Variants in APPL1 observed in about 807,000 individuals in gnomAD.
APPL1 encodes the protein DCC-interacting protein 13-alpha.
Under a neutral mutation model 106.8 loss-of-function variants are expected in APPL1, and 42 were observed. That is an observed-to-expected ratio of 0.39 (90% CI 0.31 to 0.51). The LOEUF (loss-of-function observed/expected upper bound fraction) is 0.51. Ranked by LOEUF, APPL1 falls within the 20% of genes least tolerant of loss-of-function variation. APPL1 has a pLI of 0.75. For missense variants in APPL1, 769 were observed against 858.2 expected (o/e 0.90, Z 1.30); for synonymous variants, 263 against 281.8 (o/e 0.93, Z 0.67).
At chr3:57,262,810 A>AGG (rs1451163782) in intron 19 of APPL1, among the ~76,000 whole-genome samples, 1 of 119,772 alleles carries the variant, frequency 8.3e-6, no homozygotes, top group South Asian at 2.8e-4. Flanking sequence ...TGTGGGTACA[A>AGG]GGGGTGTGTG....
chr3:57,262,385 C>CTTTTT (rs373526618), intron 19 of APPL1, among the ~76,000 whole-genome samples: 7,658 of 28,960 alleles, frequency 0.26, 3,158 homozygotes, highest in African/African-American at 0.32. Context: ...GGAAAATAAC[C>CTTTTT]TTTTTTTTTT....
At chr3:57,237,996 C>T in intron 3 of APPL1, 49 bp from the exon 4 acceptor site, 1 of 1,392,146 alleles carries the variant, frequency 7.2e-7, no homozygotes, top group South Asian at 1.3e-5. Context: ...ATGTCATTCC[C>T]AAAAGACACA....
Position 57,259,086 on chromosome 3 carries a change from A to G in APPL1, c.1483+6A>G, listed in dbSNP as rs374562377. On this transcript the variant is annotated splice_donor_region_variant and intron_variant, in intron 16 of 21. Coordinates refer to ENST00000288266, the MANE Select transcript of APPL1 (RefSeq NM_012096.3). ...TACAAAATCTGAAACTGAAGGTAAG[A>G]CAGATGTGCAGCATTCATATATTTT... 5 of 1,608,966 alleles carry G rather than the reference A, an allele frequency of 3.1e-6. No homozygotes were observed. In the East Asian group the frequency reaches 1.1e-4, roughly 36 times the overall value.
At chr3:57,240,128 G>A (rs1195962698) in intron 4 of APPL1, among the ~76,000 whole-genome samples, 1 of 130,388 alleles carries the variant, frequency 7.7e-6, no homozygotes, top group Non-Finnish European at 1.7e-5. Flanking sequence ...CCCATTCTGA[G>A]TTGTTTTTTT....
At chr3:57,260,177 T>C (rs2060857865) in intron 18 of APPL1, 24 bp downstream of exon 18, 1 of 1,596,318 alleles carries the variant, frequency 6.3e-7, no homozygotes, top group Non-Finnish European at 8.5e-7. Flanking sequence ...GATTTAAGCT[T>C]TGTTTTAGGT....
At position 57,271,686 on chromosome 3, in the gene APPL1, GC is replaced by G. The variant is rs1351618629; in HGVS notation, c.*2000del. ...TGGTAGCAAGTGCTGCCCTTTATCAGCACCCTGGGTCATAGTGTAGGCTAGA... is the reference window on the plus strand; with the variant it reads ...TGGTAGCAAGTGCTGCCCTTTATCAGACCCTGGGTCATAGTGTAGGCTAGA... On this transcript the variant is annotated 3_prime_UTR_variant, in exon 22 of 22. Transcript: ENST00000288266. 1 of 152,230 alleles carries G rather than the reference GC, an allele frequency of 6.6e-6. No homozygotes were observed. Among genetic ancestry groups the G allele is most frequent in the African/African-American group, 2.4e-5 (1 of 41,454 alleles). 9.4% of individuals were successfully genotyped at this position (152,230 alleles called of 1,614,324 possible). A position where few individuals can be genotyped will look rare whatever the true frequency, so the allele number is the denominator to read the frequency against.
intron 1 of APPL1, among the ~76,000 whole-genome samples, chr3:57,234,683 G>A (rs1301573702): frequency 1.3e-5 from 2 of 150,490 alleles, no homozygotes; most frequent in Non-Finnish European, 3.0e-5. Context: ...ACAGAGTCTT[G>A]CTTTGTCGCC....
rs560396819 is a variant in APPL1 at position 57,241,019 on chromosome 3, G to T, written c.373+467G>T. On this transcript the variant is annotated intron_variant, in intron 5 of 21. Transcript: ENST00000288266. ...CAGTAGCAAGAAACTCAGTGTGGCTGCAATGCTGTATGTGTTAGAGTGAGG... is the reference window on the plus strand; with the variant it reads ...CAGTAGCAAGAAACTCAGTGTGGCTTCAATGCTGTATGTGTTAGAGTGAGG... 3.9e-5 allele frequency among the ~76,000 whole-genome samples: 6 copies of T among 152,306 alleles called. No individual in the cohort carries two copies. In the South Asian group the frequency reaches 1.2e-3, roughly 32 times the overall value.
intron 2 of APPL1, among the ~76,000 whole-genome samples, chr3:57,236,069 A>C (rs1579381125): frequency 7.9e-6 from 1 of 126,492 alleles, no homozygotes; most frequent in Non-Finnish European, 1.7e-5. Context: ...TTTGAGATGG[A>C]GCTTTGCCCT....
chr3:57,235,703 G>T (rs760904953), intron 2 of APPL1, 39 bp downstream of exon 2: 1 of 1,448,376 alleles, frequency 6.9e-7, no homozygotes, highest in Admixed American at 1.7e-5. Context: ...TTTAAAACAC[G>T]AATCTTTAAG....
intron 5 of APPL1, 104 bp downstream of exon 5, chr3:57,240,656 C>T: frequency 1.0e-6 from 1 of 987,916 alleles, no homozygotes; most frequent in Non-Finnish European, 1.6e-6. Flanking sequence ...CAGCCTATGC[C>T]ACTCTTACTT....
Position 57,270,688 on chromosome 3 carries a change from T to G in APPL1, c.*1001T>G, listed in dbSNP as rs1185590185. ...GACTGATATATTCCCAGTATTTTCA[T>G]AATGCCATGTTTTGATAAAGTACTG... On this transcript the variant is annotated 3_prime_UTR_variant, in exon 22 of 22. Transcript: ENST00000288266. 6.6e-6 allele frequency: 1 copy of G among 152,604 alleles called. No homozygotes were observed. Among genetic ancestry groups the G allele is most frequent in the Non-Finnish European group, 1.5e-5 (1 of 68,010 alleles). 9.5% of individuals were successfully genotyped at this position (152,604 alleles called of 1,614,324 possible). A position where few individuals can be genotyped will look rare whatever the true frequency, so the allele number is the denominator to read the frequency against.
intron 1 of APPL1, among the ~76,000 whole-genome samples, chr3:57,232,724 C>A (rs1309037606): frequency 6.6e-6 from 1 of 151,990 alleles, no homozygotes; most frequent in Admixed American, 6.6e-5. Flanking sequence ...GTTCATGGGC[C>A]CGGTGCGGTG....
intron 10 of APPL1, among the ~76,000 whole-genome samples, 196 bp from the exon 11 acceptor site, chr3:57,249,162 CTG>C (rs1283258748): frequency 6.6e-6 from 1 of 152,146 alleles, no homozygotes; most frequent in African/African-American, 2.4e-5. Context: ...GTTTTGGAAA[CTG>C]TATACACATT....
Position 57,268,429 on chromosome 3 carries a change from TAGAG to T in APPL1, c.1930_1933del (p.Arg644Ter), listed in dbSNP as rs757479184. On this transcript the variant is annotated frameshift_variant, in exon 21 of 22. Coordinates refer to ENST00000288266, the MANE Select transcript of APPL1 (RefSeq NM_012096.3). LOFTEE classifies it high-confidence loss of function. ...AGGGCATCAGAAAAACAAAAAGAAA[TAGAG>T]AGAGTAAAAGAGAAGCAACAGAAAG... 843 of 1,600,346 alleles carry T rather than the reference TAGAG, an allele frequency of 5.3e-4. No homozygotes were observed. The highest frequency in any genetic ancestry group is 6.5e-4 in the Non-Finnish European group (762 of 1,172,120).
At chr3:57,239,971 C>T (rs2060736540) in intron 4 of APPL1, among the ~76,000 whole-genome samples, 2 of 152,210 alleles carry the variant, frequency 1.3e-5, no homozygotes, top group South Asian at 4.1e-4. Flanking sequence ...AGCACCTTTT[C>T]ATGTGCTTAT....
In APPL1 at chr3:57,271,907, A is replaced by G. The variant is rs1350549454; in HGVS notation, c.*2220A>G. 6.6e-6 allele frequency: 1 copy of G among 152,236 alleles called. No individual in the cohort carries two copies. The highest frequency in any genetic ancestry group is 2.1e-4 in the South Asian group (1 of 4,832). 9.4% of individuals were successfully genotyped at this position (152,236 alleles called of 1,614,324 possible). On this transcript the variant is annotated 3_prime_UTR_variant, in exon 22 of 22. Coordinates refer to ENST00000288266, the MANE Select transcript of APPL1 (RefSeq NM_012096.3). ...GCTTTTGTTCCATTACTGTTGAACTATATGAACTATTCCATTACTGCAGAG... is the reference window on the plus strand; with the variant it reads ...GCTTTTGTTCCATTACTGTTGAACTGTATGAACTATTCCATTACTGCAGAG...
chr3:57,254,884 C>G (rs2060826755), intron 13 of APPL1, among the ~76,000 whole-genome samples: 1 of 152,124 alleles, frequency 6.6e-6, no homozygotes, highest in Admixed American at 6.5e-5. Flanking sequence ...CTCGGCCTCC[C>G]AAAGTGCTGG....
intron 1 of APPL1, among the ~76,000 whole-genome samples, chr3:57,232,706 GA>G (rs2060693611): frequency 6.6e-6 from 1 of 152,112 alleles, no homozygotes. Flanking sequence ...CTCTCGAGTT[GA>G]AAAGTGGTTC....
Sources: allele counts gnomAD v4.1 joint callset (sites outside exome capture counted in the v4.1 genomes callset), GRCh38; gene constraint gnomAD v4.1.1; transcripts MANE v1.5; gene names NCBI Gene and HGNC (gene_info 2026-07-23, HGNC 2026-07-21).